The following FAAH2 variants were observed in gnomAD, a reference collection of about 807,000 sequenced individuals.
FAAH2 encodes fatty-acid amide hydrolase 2.
A neutral mutation model predicts 36.9 loss-of-function variants in FAAH2; 60 were observed. The ratio of observed to expected loss-of-function variants is 1.63; its 90% CI spans 1.32 to 2.02. The LOEUF is 2.02. Among genes scored for constraint, FAAH2 ranks in the 30% most tolerant of loss-of-function variants. The pLI, the probability that FAAH2 is intolerant of heterozygous loss-of-function variation, is 0.00. For synonymous variants in FAAH2, 214 were observed against 143.8 expected (o/e 1.49, Z -3.49); for missense variants, 689 against 397.5 (o/e 1.73, Z -6.23).
chrX:57,252,120 G>C, the FAAH2 span, among the ~76,000 whole-genome samples: 1 of 112,805 alleles, frequency 8.9e-6, no homozygotes, highest in Admixed American at 9.3e-5. Context: ...CTCGCTGCTA[G>C]TGAATCAATC....
At chrX:57,123,760 A>C in the FAAH2 span, among the ~76,000 whole-genome samples, 1 of 112,432 alleles carries the variant, frequency 8.9e-6, no homozygotes, top group African/African-American at 3.2e-5. Flanking sequence ...CCAGTGATGA[A>C]GAGCATTTAT....
intron 5 of FAAH2, among the ~76,000 whole-genome samples, chrX:57,373,506 G>A (rs1398201771): frequency 9.2e-6 from 1 of 108,974 alleles, no homozygotes; most frequent in Non-Finnish European, 1.9e-5. Flanking sequence ...TCATATGTTT[G>A]TTGGCCATTT....
At chrX:57,342,051 T>G (rs1242395110) in intron 5 of FAAH2, among the ~76,000 whole-genome samples, 1 of 111,822 alleles carries the variant, frequency 8.9e-6, no homozygotes, top group East Asian at 2.8e-4. Context: ...AATATAATTG[T>G]GGTATAGTAA....
chrX:57,224,212 A>G, the FAAH2 span, among the ~76,000 whole-genome samples: 1 of 111,378 alleles, frequency 9.0e-6, no homozygotes, highest in African/African-American at 3.3e-5. Context: ...CTCCCTGTTA[A>G]CACCTTTTTG....
the FAAH2 span, among the ~76,000 whole-genome samples, chrX:57,201,266 G>A: frequency 8.5e-4 from 93 of 109,827 alleles, 3 homozygotes; most frequent in Non-Finnish European, 3.8e-5. Flanking sequence ...TAAAAGTACA[G>A]AAATTAGCCT....
At chrX:57,278,001 A>G in the FAAH2 span, among the ~76,000 whole-genome samples, 9 of 111,704 alleles carry the variant, frequency 8.1e-5, no homozygotes, top group Non-Finnish European at 1.3e-4. Flanking sequence ...ATACTGCACA[A>G]GATGATTTAT....
chrX:57,416,480 G>T (rs1264616909), intron 7 of FAAH2, among the ~76,000 whole-genome samples: 1 of 111,171 alleles, frequency 9.0e-6, no homozygotes, highest in Non-Finnish European at 1.9e-5. Context: ...TTTCTCCTTT[G>T]CTCATGAAGC....
At chrX:57,342,888 T>G (rs2053721798) in intron 5 of FAAH2, among the ~76,000 whole-genome samples, 1 of 111,785 alleles carries the variant, frequency 8.9e-6, no homozygotes, top group Non-Finnish European at 1.9e-5. Flanking sequence ...TCTTTTCTGT[T>G]CCTGTGTTAA....
At chrX:57,336,130 A>G (rs967056719) in intron 4 of FAAH2, among the ~76,000 whole-genome samples, 15 of 110,956 alleles carry the variant, frequency 1.4e-4, no homozygotes, top group African/African-American at 4.6e-4. Context: ...TTAACTAATG[A>G]CATTCCACCA....
the FAAH2 span, among the ~76,000 whole-genome samples, chrX:57,257,846 T>C: frequency 9.0e-6 from 1 of 111,418 alleles, no homozygotes. Flanking sequence ...TGAAAATATA[T>C]CTTGTGGTTC....
At chrX:57,450,798 T>C (rs1408353526) in intron 10 of FAAH2, among the ~76,000 whole-genome samples, 1 of 111,376 alleles carries the variant, frequency 9.0e-6, no homozygotes, top group African/African-American at 3.3e-5. Flanking sequence ...GGATATAATG[T>C]AATAATGTGT....
intron 7 of FAAH2, among the ~76,000 whole-genome samples, chrX:57,405,001 G>T (rs954783615): frequency 8.9e-6 from 1 of 111,824 alleles, no homozygotes; most frequent in East Asian, 2.8e-4. Context: ...AACACAGAAG[G>T]GTTGGGGGTT....
At chrX:57,478,874 T>G (rs915387468) in intron 10 of FAAH2, among the ~76,000 whole-genome samples, 1 of 111,967 alleles carries the variant, frequency 8.9e-6, no homozygotes, top group African/African-American at 3.2e-5. Flanking sequence ...AATACCATGC[T>G]GTTTTGGTTA....
chrX:57,245,540 C>G, the FAAH2 span, among the ~76,000 whole-genome samples: 1 of 112,237 alleles, frequency 8.9e-6, no homozygotes, highest in African/African-American at 3.2e-5. Context: ...TCTCAGACAA[C>G]AGGGTAATCA....
Position 57,466,290 on chromosome X carries a change from T to C in FAAH2, c.1423+17572T>C, listed in dbSNP as rs747793545. Among the ~76,000 whole-genome samples the C allele has an allele frequency of 1.0e-4, 11 of 106,423 alleles. No homozygotes were observed. In the East Asian group the frequency reaches 2.9e-3, roughly 28 times the overall value. 92.4% of individuals were successfully genotyped at this position (106,423 alleles called of 115,157 possible). ...TTACTGTAAATTAGTTAATAGATTC[T>C]GAAGAGTTAAGATGGCTGTTTTAAT... On this transcript the variant is annotated intron_variant, in intron 10 of 10. Transcript: ENST00000374900.
chrX:57,159,073 A>T, the FAAH2 span, among the ~76,000 whole-genome samples: 1 of 112,212 alleles, frequency 8.9e-6, no homozygotes, highest in Admixed American at 9.4e-5. Flanking sequence ...GCCAGTTTTC[A>T]CAGTACCATT....
the FAAH2 span, among the ~76,000 whole-genome samples, chrX:57,215,906 CAT>C: frequency 0.017 from 1,479 of 89,343 alleles, 36 homozygotes; most frequent in African/African-American, 0.052. Context: ...CCATGGCACT[CAT>C]ATATATATAT....
At chrX:57,447,202 C>G (rs1398755571) in intron 9 of FAAH2, among the ~76,000 whole-genome samples, 163 bp downstream of exon 9, 2 of 112,045 alleles carry the variant, frequency 1.8e-5, no homozygotes, top group Non-Finnish European at 3.8e-5. Flanking sequence ...TGTCTCACAT[C>G]CAGGTCACGC....
chrX:57,422,121 A>C (rs2056050818), intron 7 of FAAH2, among the ~76,000 whole-genome samples: 1 of 111,866 alleles, frequency 8.9e-6, no homozygotes, highest in African/African-American at 3.3e-5. Flanking sequence ...TCTACCAGAT[A>C]CCAGGGGATG....
Sources: allele counts gnomAD v4.1 joint callset (sites outside exome capture counted in the v4.1 genomes callset), GRCh38; gene constraint gnomAD v4.1.1; transcripts MANE v1.5; gene names NCBI Gene and HGNC (gene_info 2026-07-23, HGNC 2026-07-21).